RAD51B: variants seen among roughly 807,000 people sequenced by gnomAD.
RAD51B encodes the protein DNA repair protein RAD51 homolog 2.
Under a neutral mutation model 42.2 loss-of-function variants are expected in RAD51B, and 38 were observed. The ratio of observed to expected loss-of-function variants is 0.90; its 90% CI spans 0.70 to 1.18. The LOEUF is 1.18. RAD51B is among the 50% of genes most tolerant of loss of function. The probability of loss-of-function intolerance (pLI) is 0.00; values close to 1 mark genes in which losing one functional copy is unlikely to be tolerated. For missense variants in RAD51B, 373 were observed against 400.7 expected (o/e 0.93, Z 0.59); for synonymous variants, 154 against 145.2 (o/e 1.06, Z -0.43).
At chr14:68,671,451 C>T (rs1893156445) in intron 11 of RAD51B, among the ~76,000 whole-genome samples, 1 of 152,124 alleles carries the variant, frequency 6.6e-6, no homozygotes, top group Non-Finnish European at 1.5e-5. Flanking sequence ...ACCCCCTATC[C>T]TCCTCCATCC....
intron 8 of RAD51B, among the ~76,000 whole-genome samples, chr14:68,351,506 C>A (rs1012838888): frequency 2.0e-5 from 3 of 152,064 alleles, no homozygotes; most frequent in South Asian, 2.1e-4. Flanking sequence ...TCAAAGAAGC[C>A]CAAAGTAAAT....
chr14:67,877,058 G>T (rs1481251697), intron 5 of RAD51B, among the ~76,000 whole-genome samples: 1 of 152,086 alleles, frequency 6.6e-6, no homozygotes, highest in Non-Finnish European at 1.5e-5. Flanking sequence ...TTCCCCTTTA[G>T]TAGGTATTTT....
At chr14:68,649,672 G>A (rs1892660132) in intron 10 of RAD51B, among the ~76,000 whole-genome samples, 1 of 152,184 alleles carries the variant, frequency 6.6e-6, no homozygotes, top group Non-Finnish European at 1.5e-5. Context: ...TGGGTCAAGT[G>A]CCCACCCTTG....
chr14:68,538,629 C>CTT (rs111736571), intron 10 of RAD51B, among the ~76,000 whole-genome samples: 6 of 141,322 alleles, frequency 4.2e-5, no homozygotes, highest in Non-Finnish European at 6.2e-5. Context: ...TAGCACACCG[C>CTT]TTTTTTTTTT....
chr14:68,198,648 T>C (rs17105131), intron 7 of RAD51B, among the ~76,000 whole-genome samples: 4,334 of 152,250 alleles, frequency 0.028, 234 homozygotes, highest in African/African-American at 0.1. Flanking sequence ...CAGAGGATTG[T>C]GATGGTATTT....
chr14:68,559,768 G>A (rs1458135165), intron 10 of RAD51B, among the ~76,000 whole-genome samples: 1 of 152,152 alleles, frequency 6.6e-6, no homozygotes, highest in Non-Finnish European at 1.5e-5. Context: ...TCCCACTAAA[G>A]CAATGGCAGG....
At chr14:67,997,759 G>T (rs1870946835) in intron 7 of RAD51B, among the ~76,000 whole-genome samples, 1 of 152,104 alleles carries the variant, frequency 6.6e-6, no homozygotes, top group Non-Finnish European at 1.5e-5. Flanking sequence ...AGTTAATACT[G>T]TTCCACAGAT....
intron 7 of RAD51B, among the ~76,000 whole-genome samples, chr14:68,212,846 T>C (rs1473205808): frequency 6.6e-6 from 1 of 152,220 alleles, no homozygotes; most frequent in African/African-American, 2.4e-5. Context: ...CTTAAAGTCT[T>C]TCACAGTTCA....
chr14:68,173,771 T>C (rs990090372), intron 7 of RAD51B, among the ~76,000 whole-genome samples: 1 of 152,194 alleles, frequency 6.6e-6, no homozygotes, highest in African/African-American at 2.4e-5. Context: ...CACAGATAAA[T>C]GTTTACTCAA....
At chr14:68,008,877 A>G (rs1055701771) in intron 7 of RAD51B, among the ~76,000 whole-genome samples, 1 of 151,880 alleles carries the variant, frequency 6.6e-6, no homozygotes, top group East Asian at 1.9e-4. Flanking sequence ...TTCCTCCCTC[A>G]TTGATTATAG....
chr14:68,165,242 C>A (rs2140837634), intron 7 of RAD51B, among the ~76,000 whole-genome samples: 1 of 152,178 alleles, frequency 6.6e-6, no homozygotes, highest in South Asian at 2.1e-4. Flanking sequence ...ATTTTAAAAT[C>A]ACTTTAAAAT....
chr14:68,189,456 A>G (rs2079220566), intron 7 of RAD51B, among the ~76,000 whole-genome samples: 1 of 152,170 alleles, frequency 6.6e-6, no homozygotes, highest in South Asian at 2.1e-4. Context: ...GATTCAACCT[A>G]AAATATTGAT....
intron 7 of RAD51B, among the ~76,000 whole-genome samples, chr14:67,893,954 T>G (rs568883765): frequency 6.6e-6 from 1 of 152,216 alleles, no homozygotes; most frequent in Non-Finnish European, 1.5e-5. Flanking sequence ...ACCACCTTCA[T>G]TGCCATCATC....
chr14:68,054,980 G>A (rs1272810080), intron 7 of RAD51B, among the ~76,000 whole-genome samples: 1 of 152,124 alleles, frequency 6.6e-6, no homozygotes, highest in Admixed American at 6.5e-5. Context: ...TGTGTGGGGG[G>A]AAAATCCCCA....
chr14:68,630,573 G>T (rs1282933558), intron 10 of RAD51B, among the ~76,000 whole-genome samples: 1 of 152,218 alleles, frequency 6.6e-6, no homozygotes, highest in Non-Finnish European at 1.5e-5. Context: ...GATACTAGCT[G>T]CTTGGAGAGA....
chr14:68,561,719 G>A (rs1396425111), intron 10 of RAD51B, among the ~76,000 whole-genome samples: 1 of 152,212 alleles, frequency 6.6e-6, no homozygotes, highest in Non-Finnish European at 1.5e-5. Flanking sequence ...CATCAAGCCA[G>A]AGGGAGCAGG....
chr14:68,564,032 C>T (rs975385527), intron 10 of RAD51B: 20 of 754,088 alleles, frequency 2.7e-5, no homozygotes, highest in Admixed American at 1.9e-4. Flanking sequence ...AACAGCTGGC[C>T]GCACTAGAGG....
intron 10 of RAD51B, among the ~76,000 whole-genome samples, chr14:68,587,622 C>A (rs369758697): frequency 3.9e-5 from 6 of 152,146 alleles, no homozygotes; most frequent in East Asian, 1.9e-4. Flanking sequence ...ATCCATCCCC[C>A]CCGAGATCCA....
chr14:68,198,586 A>G (rs1363117630), intron 7 of RAD51B, among the ~76,000 whole-genome samples: 4 of 152,118 alleles, frequency 2.6e-5, no homozygotes, highest in Non-Finnish European at 4.4e-5. Context: ...TTCTCTCCCA[A>G]TTGATTAGGT....
Sources: allele counts gnomAD v4.1 joint callset (sites outside exome capture counted in the v4.1 genomes callset), GRCh38; gene constraint gnomAD v4.1.1; transcripts MANE v1.5; gene names NCBI Gene and HGNC (gene_info 2026-07-23, HGNC 2026-07-21).